IDUA: variants seen among roughly 807,000 people sequenced by gnomAD.
The protein encoded by IDUA is alpha-L-iduronidase.
A neutral mutation model predicts 68.9 loss-of-function variants in IDUA; 65 were observed. That is an observed-to-expected ratio of 0.94 (90% CI 0.77 to 1.16). IDUA has a LOEUF of 1.16. Among genes scored for constraint, IDUA ranks in the 50% most tolerant of loss-of-function variants. The pLI is 0.00. For missense variants in IDUA, 1,046 were observed against 938.0 expected (o/e 1.12, Z -1.50); for synonymous variants, 529 against 433.6 (o/e 1.22, Z -2.73).
Position 1,002,053 on chromosome 4 carries a change from C to A in IDUA, c.864C>A (p.Pro288=). The part of the protein sequence containing the change: ...VVAQQIRQLF[P]KFADTPIYND... ...CGCAGCAGATCCGGCAGCTCTTCCC[C>A]AAGTTCGCGGACACCCCCATTTACA... The change falls in exon 7 of 14, where the codon CCC becomes CCA. Residue 288 remains proline, a synonymous_variant. Transcript: ENST00000514224. The A allele has an allele frequency of 6.3e-7, 1 of 1,597,182 alleles. No individual in the cohort carries two copies. The highest frequency in any genetic ancestry group is 2.3e-5 in the East Asian group (1 of 44,256).
chr4:993,755 G>C (rs1021312077), intron 2 of IDUA, among the ~76,000 whole-genome samples: 1 of 152,218 alleles, frequency 6.6e-6, no homozygotes, highest in Non-Finnish European at 1.5e-5. Flanking sequence ...GGGAGGCTTG[G>C]TCTCCGTGTC....
At position 1,002,640 on chromosome 4, in the gene IDUA, G is replaced by A; in HGVS notation, c.1190-92G>A. The A allele has an allele frequency of 3.3e-6, 4 of 1,194,864 alleles. No homozygotes were observed. In the South Asian group the frequency reaches 6.0e-5, roughly 18 times the overall value. 74.0% of individuals were successfully genotyped at this position (1,194,864 alleles called of 1,614,324 possible). On this transcript the variant is annotated intron_variant, in intron 8 of 13. Coordinates refer to ENST00000514224, the MANE Select transcript of IDUA (RefSeq NM_000203.5). ...GGGCCTGGGGACTCCTTCACCAAGG[G>A]GAGGGGGAGCGAGTGGTGGGAGGCC...
Position 1,001,824 on chromosome 4 carries a change from C to G in IDUA, c.735C>G (p.Thr245=), listed in dbSNP as rs746008232. The change falls in exon 6 of 14, where the codon ACC becomes ACG. Residue 245 remains threonine, a synonymous_variant. Transcript: ENST00000514224. The stretch of plus-strand genomic sequence containing the variant: ...TCCTGCGCCACTGCCACGACGGTAC[C>G]AACTTCTTCACTGGGGAGGCGGGCG... ...WGLLRHCHDG[T]NFFTGEAGVR... is the part of the protein sequence containing the mutation. The G allele has an allele frequency of 6.2e-7, 1 of 1,605,316 alleles. No homozygotes were observed. The highest frequency in any genetic ancestry group is 1.7e-5 in the Admixed American group (1 of 59,024).
chr4:987,516 A>G (rs560550280), intron 1 of IDUA: 1 of 898,264 alleles, frequency 1.1e-6, no homozygotes, highest in South Asian at 1.8e-5. Context: ...ACGGCCCTGC[A>G]GCGGGACCTG....
chr4:1,002,239 C>G, intron 7 of IDUA, 30 bp from the exon 8 acceptor site: 1 of 1,596,574 alleles, frequency 6.3e-7, no homozygotes, highest in African/African-American at 1.3e-5. Flanking sequence ...GGCCGCGCCA[C>G]CCGGTCCCAG....
rs756141494 is a variant in IDUA at position 1,003,534 on chromosome 4, C to T, written c.1651-15C>T. 1 of 1,610,524 alleles carries T rather than the reference C, an allele frequency of 6.2e-7. No individual in the cohort carries two copies. Among genetic ancestry groups the T allele is most frequent in the Non-Finnish European group, 8.5e-7 (1 of 1,179,638 alleles). ...TCCCCTTCCCCGACGCCATCACAGC[C>T]CTTCCCTCCCCCAGGTCACGCGGCT... On this transcript the variant is annotated splice_polypyrimidine_tract_variant and intron_variant, in intron 11 of 13. Transcript: ENST00000514224.
rs1340171664 is a variant in IDUA, at chr4:1,002,830, C to T, written c.1288C>T (p.Pro430Ser). The change falls in exon 9 of 14, where the codon CCG (proline) becomes TCG (serine). Residue 430 changes from proline to serine, a missense_variant. Physicochemically the swap from Pro to Ser is moderately conservative, Grantham distance 74 (BLOSUM62 -1). Coordinates refer to ENST00000514224, the MANE Select transcript of IDUA (RefSeq NM_000203.5). The stretch of plus-strand genomic sequence containing the variant: ...GGCCAGCGCCCACCGCCCCCAGGGC[C>T]CGGCCGACGCCTGGCGCGCCGCGGT... ...VLASAHRPQG[P>S]ADAWRAAVLI... 3 of 1,454,976 alleles carry T rather than the reference C, an allele frequency of 2.1e-6. No homozygotes were observed. Among genetic ancestry groups the T allele is most frequent in the East Asian group, 6.0e-5 (2 of 33,540 alleles). The allele number at this position is 1,454,976 out of a possible 1,614,324, so 90.1% of individuals were successfully genotyped here.
chr4:991,136 G>C, intron 2 of IDUA: 1 of 1,542,490 alleles, frequency 6.5e-7, no homozygotes, highest in Non-Finnish European at 8.8e-7. Flanking sequence ...ACCTGGTAAA[G>C]CCCGGTCATC....
At position 1,001,666 on chromosome 4, in the gene IDUA, TC is replaced by T; in HGVS notation, c.590-8del. The T allele has an allele frequency of 1.2e-6, 2 of 1,603,150 alleles. No homozygotes were observed. ...CCCAGGGCAGGTGTAGACGCAGTGCTCCCCCGGCCCAGGCTTCCTGAACTAC... is the reference window on the plus strand; with the variant it reads ...CCCAGGGCAGGTGTAGACGCAGTGCTCCCCGGCCCAGGCTTCCTGAACTAC... On this transcript the variant is annotated splice_polypyrimidine_tract_variant and intron_variant, in intron 5 of 13. Coordinates refer to ENST00000514224, the MANE Select transcript of IDUA (RefSeq NM_000203.5).
At chr4:990,285 C>A (rs375888392) in intron 2 of IDUA, 1 of 1,602,380 alleles carries the variant, frequency 6.2e-7, no homozygotes, top group Non-Finnish European at 8.5e-7. Context: ...TCACGGAGGC[C>A]CCCATGGCAA....
At chr4:989,954 G>C (rs865998336) in intron 2 of IDUA, 2 of 1,555,778 alleles carry the variant, frequency 1.3e-6, no homozygotes, top group African/African-American at 1.4e-5. Context: ...ACCTGAGGGG[G>C]CATGAAACCC....
rs371025483 is a variant in IDUA at position 989,575 on chromosome 4, C to T, written c.299+1626C>T. ...CAGCCGCGGGAGGTCCCACACCTTGCGCAGGGCCCCCCGCAGGCTGACCAC... is the reference window on the plus strand; with the variant it reads ...CAGCCGCGGGAGGTCCCACACCTTGTGCAGGGCCCCCCGCAGGCTGACCAC... On this transcript the variant is annotated intron_variant, in intron 2 of 13. Coordinates refer to ENST00000514224, the MANE Select transcript of IDUA (RefSeq NM_000203.5). 21 of 1,594,002 alleles carry T rather than the reference C, an allele frequency of 1.3e-5. No individual in the cohort carries two copies. Among genetic ancestry groups the T allele is most frequent in the Middle Eastern group, 1.7e-4 (1 of 5,958 alleles).
At chr4:1,001,904 C>CG in intron 6 of IDUA, 23 bp downstream of exon 6, 1 of 1,570,614 alleles carries the variant, frequency 6.4e-7, no homozygotes, top group Non-Finnish European at 8.6e-7. Context: ...CCTCCGTCCG[C>CG]CCCGGTGTTC....
intron 2 of IDUA, chr4:989,343 GACGAGGC>G: frequency 6.2e-7 from 1 of 1,603,688 alleles, no homozygotes; most frequent in Non-Finnish European, 8.5e-7. Flanking sequence ...CGGGCTCAGG[GACGAGGC>G]CCTCGAACTC....
At position 1,004,438 on chromosome 4, in the gene IDUA, C is replaced by T. The variant is rs561852043; in HGVS notation, c.*45C>T. The T allele has an allele frequency of 5.6e-6, 9 of 1,600,812 alleles. No homozygotes were observed. The highest frequency in any genetic ancestry group is 5.0e-5 in the Admixed American group (3 of 59,972). On this transcript the variant is annotated 3_prime_UTR_variant, in exon 14 of 14. Coordinates refer to ENST00000514224, the MANE Select transcript of IDUA (RefSeq NM_000203.5). The surrounding 1 kb of genome is among the most constrained non-coding windows in gnomAD (Gnocchi z 5.0). ...GGGTTGCACCTCCACCGGCAGTCAGCGAGCTGGGGCTGCACTGTGCCCATG... is the reference window on the plus strand; with the variant it reads ...GGGTTGCACCTCCACCGGCAGTCAGTGAGCTGGGGCTGCACTGTGCCCATG...
chr4:1,003,988 T>C (rs918061836), intron 12 of IDUA, 24 bp from the exon 13 acceptor site: 1 of 1,588,078 alleles, frequency 6.3e-7, no homozygotes, highest in Non-Finnish European at 8.6e-7. Context: ...GACCCCAGCC[T>C]TGTTCTTGGC....
At chr4:987,741 C>A in intron 1 of IDUA, 68 bp from the exon 2 acceptor site, 2 of 1,603,902 alleles carry the variant, frequency 1.2e-6, no homozygotes, top group Non-Finnish European at 1.7e-6. Flanking sequence ...TGGGCTTGAA[C>A]GTGTGTGTCA....
intron 2 of IDUA, chr4:991,967 C>A: frequency 1.3e-6 from 1 of 767,938 alleles, no homozygotes; most frequent in Non-Finnish European, 2.2e-6. Flanking sequence ...ACACCAAGCC[C>A]ATGCCATGGG....
At chr4:990,144 GACC>G (rs1005178050) in intron 2 of IDUA, 2 of 1,567,440 alleles carry the variant, frequency 1.3e-6, no homozygotes, top group Non-Finnish European at 1.7e-6. Context: ...CCGTGCTGGT[GACC>G]ACGTCGCACA....
Sources: allele counts gnomAD v4.1 joint callset (sites outside exome capture counted in the v4.1 genomes callset), GRCh38; gene constraint gnomAD v4.1.1; non-coding constraint Gnocchi (gnomAD v3.1); transcripts MANE v1.5; gene names NCBI Gene and HGNC (gene_info 2026-07-23, HGNC 2026-07-21).